STAT1: variants seen among roughly 807,000 people sequenced by gnomAD.
The protein encoded by STAT1 is signal transducer and activator of transcription 1.
A neutral mutation model predicts 111.7 loss-of-function variants in STAT1; 24 were observed. The ratio of observed to expected loss-of-function variants is 0.21; its 90% CI spans 0.16 to 0.30. The LOEUF (loss-of-function observed/expected upper bound fraction) is 0.30, where lower values mean the gene tolerates loss of function less well. Among genes scored for constraint, STAT1 ranks in the 10% least tolerant of loss-of-function variants. STAT1 has a pLI of 1.00. For synonymous variants in STAT1, 332 were observed against 326.5 expected (o/e 1.02, Z -0.18); for missense variants, 351 against 911.9 (o/e 0.38, Z 7.92).
intron 5 of STAT1, among the ~76,000 whole-genome samples, chr2:191,002,874 T>C (rs1694381378): frequency 6.6e-6 from 1 of 152,220 alleles, no homozygotes; most frequent in African/African-American, 2.4e-5. Context: ...TGTTAGATCT[T>C]TTCAGCTTCT....
Position 191,001,136 on chromosome 2 carries a change from C to A in STAT1, c.400G>T (p.Val134Leu), listed in dbSNP as rs1269987554. Residue 134 changes from valine (V) to leucine (L), a missense_variant, in exon 6 of 25, where the codon GTG (valine) becomes TTG (leucine). Physicochemically the swap from Val to Leu is conservative, Grantham distance 32. This residue lies in a region of STAT1 where 20 missense variants were observed against 18.4 expected (regional missense o/e 1.09). Coordinates refer to ENST00000361099, the MANE Select transcript of STAT1 (RefSeq NM_007315.4). ...QAQSGNIQST[V>L]MLDKQKELDS... The stretch of plus-strand genomic sequence containing the variant: ...AGCTCTTTCTGTTTGTCTAACATCA[C>A]TGTGCTCTGAATATTCCCCGACTGA... The A allele has an allele frequency of 6.8e-6, 11 of 1,613,998 alleles. No homozygotes were observed. The highest frequency in any genetic ancestry group is 3.3e-5 in the Admixed American group (2 of 60,008).
rs1316178775 is a variant in STAT1 at position 190,980,282 on chromosome 2, G to A, written c.1632+338C>T. On this transcript the variant is annotated intron_variant, in intron 19 of 24. Coordinates refer to ENST00000361099, the MANE Select transcript of STAT1 (RefSeq NM_007315.4). The surrounding 1 kb of genome is among the most constrained non-coding windows in gnomAD (Gnocchi z 6.1). Reference sequence around the variant, plus strand: ...TCTGCTCGAGCAGGCCGTTAAACTCGTCTGGCTGGTCAGGCTGCGCCACCC... The same window carrying A: ...TCTGCTCGAGCAGGCCGTTAAACTCATCTGGCTGGTCAGGCTGCGCCACCC... 6.6e-6 allele frequency among the ~76,000 whole-genome samples: 1 copy of A among 152,236 alleles called. No homozygotes were observed. The highest frequency in any genetic ancestry group is 2.1e-4 in the South Asian group (1 of 4,828).
intron 12 of STAT1, among the ~76,000 whole-genome samples, chr2:190,988,943 T>C (rs1277489522): frequency 2.6e-5 from 4 of 151,320 alleles, no homozygotes; most frequent in African/African-American, 9.7e-5. Flanking sequence ...TTAATGAGAG[T>C]GGCCAAGTTA....
At chr2:191,011,983 T>C (rs1695163228) in intron 2 of STAT1, among the ~76,000 whole-genome samples, 1 of 151,884 alleles carries the variant, frequency 6.6e-6, no homozygotes, top group African/African-American at 2.4e-5. Flanking sequence ...ACACCTGACC[T>C]CAGGCAATCC....
intron 15 of STAT1, among the ~76,000 whole-genome samples, 165 bp downstream of exon 15, chr2:190,985,454 G>A (rs897998443): frequency 2.0e-5 from 3 of 152,194 alleles, no homozygotes; most frequent in Admixed American, 1.3e-4. Flanking sequence ...CACAAATGTG[G>A]TGTTTTTACT....
chr2:190,999,045 A>G lies in STAT1; in HGVS notation c.541+581T>C, dbSNP rs1694066907. 6.6e-6 allele frequency among the ~76,000 whole-genome samples: 1 copy of G among 152,204 alleles called. No individual in the cohort carries two copies. Among genetic ancestry groups the G allele is most frequent in the African/African-American group, 2.4e-5 (1 of 41,448 alleles). On this transcript the variant is annotated intron_variant, in intron 7 of 24. Coordinates refer to ENST00000361099, the MANE Select transcript of STAT1 (RefSeq NM_007315.4). This position sits in a 1 kb window ranked among gnomAD's most constrained non-coding sequence, Gnocchi z 4.1. ...AGCAGTACCCTACGTGTCCTACACA[A>G]TGTACATTCTTGAGATCTTTTCTGT...
chr2:190,982,253 T>C lies in STAT1; in HGVS notation c.1582+130A>G, dbSNP rs2125017802. 9.4e-7 allele frequency: 1 copy of C among 1,060,594 alleles called. No individual in the cohort carries two copies. The highest frequency in any genetic ancestry group is 1.4e-6 in the Non-Finnish European group (1 of 693,944). The allele number at this position is 1,060,594 out of a possible 1,614,324, so 65.7% of individuals were successfully genotyped here. On this transcript the variant is annotated intron_variant, in intron 18 of 24. Transcript: ENST00000361099. The surrounding 1 kb of genome is among the most constrained non-coding windows in gnomAD (Gnocchi z 7.3). ...ATTCTCACTTAGCTATAATAAACTA[T>C]AGCTTGAAAAGCTGACAGATTTTAG...
In STAT1 at chr2:190,984,997, G is replaced by GT. The variant is rs1232355034; in HGVS notation, c.1264-605dup. Among the ~76,000 whole-genome samples, 1 of 152,236 alleles carries GT rather than the reference G, an allele frequency of 6.6e-6. No individual in the cohort carries two copies. The highest frequency in any genetic ancestry group is 1.5e-5 in the Non-Finnish European group (1 of 68,042). On this transcript the variant is annotated intron_variant, in intron 15 of 24. Transcript: ENST00000361099. The surrounding 1 kb of genome is among the most constrained non-coding windows in gnomAD (Gnocchi z 5.2). Reference sequence around the variant, plus strand: ...GCATCTTTGCACTGCCTGGGCCTGTGTTTGTCCCGCTGCTCCATGTGACCT... The same window carrying GT: ...GCATCTTTGCACTGCCTGGGCCTGTGTTTTGTCCCGCTGCTCCATGTGACCT...
At position 191,012,669 on chromosome 2, in the gene STAT1, C is replaced by G. The variant is rs1695230400; in HGVS notation, c.-2+856G>C. ...CCACATCAATCTCCTGTGCAAAAATCCTATGATCTGTCCATTCCTAGGCAG... is the reference window on the plus strand; with the variant it reads ...CCACATCAATCTCCTGTGCAAAAATGCTATGATCTGTCCATTCCTAGGCAG... On this transcript the variant is annotated intron_variant, in intron 2 of 24. Transcript: ENST00000361099. This position sits in a 1 kb window ranked among gnomAD's most constrained non-coding sequence, Gnocchi z 4.0. 6.6e-6 allele frequency among the ~76,000 whole-genome samples: 1 copy of G among 152,186 alleles called. No homozygotes were observed. Among genetic ancestry groups the G allele is most frequent in the South Asian group, 2.1e-4 (1 of 4,832 alleles).
Position 190,995,788 on chromosome 2 carries a change from A to G in STAT1, c.786-569T>C, listed in dbSNP as rs1312092131. ...TATTTGAGGAGTACAACTAACATGC[A>G]CTGAATGATTACAGCCTACATCAAA... On this transcript the variant is annotated intron_variant, in intron 9 of 24. Transcript: ENST00000361099. This position sits in a 1 kb window ranked among gnomAD's most constrained non-coding sequence, Gnocchi z 4.2. Among the ~76,000 whole-genome samples the G allele has an allele frequency of 1.3e-5, 2 of 152,226 alleles. No homozygotes were observed. The highest frequency in any genetic ancestry group is 2.9e-5 in the Non-Finnish European group (2 of 68,046).
rs1559011817 is a variant in STAT1 at position 190,986,830 on chromosome 2, TAG to T, written c.1221+22_1221+23del. 2 of 1,606,000 alleles carry T rather than the reference TAG, an allele frequency of 1.2e-6. No individual in the cohort carries two copies. Among genetic ancestry groups the T allele is most frequent in the African/African-American group, 2.7e-5 (2 of 74,844 alleles). ...AAGTCCTAAGAAACCAGAGACAACA[TAG>T]AGAGGAAACTGATGTCCCTACCAGG... On this transcript the variant is annotated intron_variant, in intron 14 of 24. Transcript: ENST00000361099. The surrounding 1 kb of genome is among the most constrained non-coding windows in gnomAD (Gnocchi z 5.0).
chr2:190,985,833 C>T (rs1409035124), intron 14 of STAT1, among the ~76,000 whole-genome samples, 173 bp from the exon 15 acceptor site: 1 of 152,218 alleles, frequency 6.6e-6, no homozygotes, highest in East Asian at 1.9e-4. Flanking sequence ...AGCAGAAGCA[C>T]GTTTCCTCAG....
rs1693896109 is a variant in STAT1 at position 190,996,852 on chromosome 2, C to T, written c.785+1004G>A. Among the ~76,000 whole-genome samples, 1 of 152,204 alleles carries T rather than the reference C, an allele frequency of 6.6e-6. No individual in the cohort carries two copies. Among genetic ancestry groups the T allele is most frequent in the Non-Finnish European group, 1.5e-5 (1 of 68,032 alleles). ...AAGTTCAGCTCCTGTTGCCCCTCACCTGGACCACACTAATATGCTAATAGT... is the reference window on the plus strand; with the variant it reads ...AAGTTCAGCTCCTGTTGCCCCTCACTTGGACCACACTAATATGCTAATAGT... On this transcript the variant is annotated intron_variant, in intron 9 of 24. Coordinates refer to ENST00000361099, the MANE Select transcript of STAT1 (RefSeq NM_007315.4). This position sits in a 1 kb window ranked among gnomAD's most constrained non-coding sequence, Gnocchi z 4.5.
Position 190,999,769 on chromosome 2 carries a change from A to G in STAT1, c.463-65T>C. On this transcript the variant is annotated intron_variant, in intron 6 of 24. Transcript: ENST00000361099. This position sits in a 1 kb window ranked among gnomAD's most constrained non-coding sequence, Gnocchi z 4.1. ...AACTTCCAAAGACTTTAGGCAACAG[A>G]GTATTGCTTCTATGGAACCCAGAGA... is the stretch of plus-strand genomic sequence containing the variant. 1.7e-6 allele frequency: 2 copies of G among 1,163,824 alleles called. No homozygotes were observed. Among genetic ancestry groups the G allele is most frequent in the Non-Finnish European group, 2.6e-6 (2 of 777,188 alleles). 72.1% of individuals were successfully genotyped at this position (1,163,824 alleles called of 1,614,324 possible).
At chr2:190,991,392 T>C in intron 10 of STAT1, 72 bp from the exon 11 acceptor site, 2 of 1,471,548 alleles carry the variant, frequency 1.4e-6, no homozygotes, top group Non-Finnish European at 1.9e-6. Context: ...ATGATTTTCC[T>C]GAAAGAAAAA....
In STAT1 at chr2:190,974,104, G is replaced by A. The variant is rs1691712969; in HGVS notation, c.2238+726C>T. Among the ~76,000 whole-genome samples, 1 of 152,154 alleles carries A rather than the reference G, an allele frequency of 6.6e-6. No homozygotes were observed. Among genetic ancestry groups the A allele is most frequent in the South Asian group, 2.1e-4 (1 of 4,826 alleles). On this transcript the variant is annotated intron_variant, in intron 24 of 24. Transcript: ENST00000361099. The surrounding 1 kb of genome is among the most constrained non-coding windows in gnomAD (Gnocchi z 4.8). ...CTGGAATAGCTCCATGTGGAAAAGA[G>A]CTTAAAATTAAACAGCATCAGCAAA...
At position 190,999,178 on chromosome 2, in the gene STAT1, C is replaced by T. The variant is rs1471937510; in HGVS notation, c.541+448G>A. Among the ~76,000 whole-genome samples, 4 of 152,156 alleles carry T rather than the reference C, an allele frequency of 2.6e-5. No homozygotes were observed. Among genetic ancestry groups the T allele is most frequent in the East Asian group, 1.9e-4 (1 of 5,196 alleles). ...GCTGTGTATACACGTGGCCCTGCAACGTTTGAAGAAACCTGAGATATTAGG... is the reference window on the plus strand; with the variant it reads ...GCTGTGTATACACGTGGCCCTGCAATGTTTGAAGAAACCTGAGATATTAGG... On this transcript the variant is annotated intron_variant, in intron 7 of 24. Transcript: ENST00000361099. This position sits in a 1 kb window ranked among gnomAD's most constrained non-coding sequence, Gnocchi z 4.1.
At chr2:191,008,887 G>A (rs1035171842) in intron 4 of STAT1, 76 bp downstream of exon 4, 1 of 1,506,552 alleles carries the variant, frequency 6.6e-7, no homozygotes, top group Non-Finnish European at 9.1e-7. Flanking sequence ...GTGCTCAATT[G>A]TATTTGCTGA....
At position 190,991,242 on chromosome 2, in the gene STAT1, G is replaced by A. The variant is rs1693310559; in HGVS notation, c.1023C>T (p.Phe341=). 1 of 1,614,006 alleles carries A rather than the reference G, an allele frequency of 6.2e-7. No homozygotes were observed. Among genetic ancestry groups the A allele is most frequent in the South Asian group, 1.1e-5 (1 of 91,078 alleles). The change falls in exon 11 of 25, where the codon TTC becomes TTT. Residue 341 remains phenylalanine, a synonymous_variant. Transcript: ENST00000361099. Reference sequence around the variant, plus strand: ...TCCCTTGTTACCTCAACTTCACAGTGAACTGGACCCCTGTCTTCAAGACCA... The same window carrying A: ...TCCCTTGTTACCTCAACTTCACAGTAAACTGGACCCCTGTCTTCAAGACCA... ...RPLVLKTGVQ[F]TVKLRLLVKL...
Sources: gnomAD v4.1 joint callset for allele counts (sites outside exome capture counted in the v4.1 genomes callset) on GRCh38, gnomAD v4.1.1 for gene constraint, gnomAD v4.1.1 regional missense constraint, Gnocchi (gnomAD v3.1) non-coding constraint, MANE v1.5 for transcripts, NCBI Gene and HGNC (gene_info 2026-07-23, HGNC 2026-07-21) for gene names.